PTH2R: variants seen among roughly 807,000 people sequenced by gnomAD.
The protein encoded by PTH2R is PTH2 receptor.
Under a neutral mutation model 60.3 loss-of-function variants are expected in PTH2R, and 59 were observed. The observed-to-expected ratio is 0.98, with a 90% CI of 0.79 to 1.22. PTH2R has a LOEUF of 1.22. Ranked by LOEUF, PTH2R falls within the 50% of genes most tolerant of loss-of-function variation. The probability of loss-of-function intolerance (pLI) is 0.00; values close to 1 mark genes in which losing one functional copy is unlikely to be tolerated. For synonymous variants in PTH2R, 256 were observed against 243.8 expected (o/e 1.05, Z -0.47); for missense variants, 749 against 682.6 (o/e 1.10, Z -1.08).
chr2:208,466,675 G>A (rs895488010), intron 9 of PTH2R: 4 of 152,116 alleles, frequency 2.6e-5, no homozygotes, highest in Non-Finnish European at 5.9e-5. Flanking sequence ...TTTGAGAAAC[G>A]TCTATTCAGC....
intron 1 of PTH2R, among the ~76,000 whole-genome samples, chr2:208,400,510 G>C (rs1701288237): frequency 6.6e-6 from 1 of 152,076 alleles, no homozygotes; most frequent in South Asian, 2.1e-4. Context: ...AGTTTAACCT[G>C]GTATCCTAGT....
At chr2:208,463,655 C>T (rs567823535) in intron 9 of PTH2R, among the ~76,000 whole-genome samples, 4 of 152,332 alleles carry the variant, frequency 2.6e-5, no homozygotes, top group African/African-American at 7.2e-5. Flanking sequence ...TTACTTTTCA[C>T]GTGTTAATAA....
At chr2:208,438,264 AG>A (rs1234296089) in intron 4 of PTH2R, among the ~76,000 whole-genome samples, 1 of 152,246 alleles carries the variant, frequency 6.6e-6, no homozygotes, top group African/African-American at 2.4e-5. Context: ...ATATTCCAGA[AG>A]GACCTTTGCA....
intron 9 of PTH2R, chr2:208,469,813 A>G (rs184255059): frequency 3.9e-5 from 6 of 152,318 alleles, no homozygotes; most frequent in African/African-American, 1.4e-4. Flanking sequence ...TAAGAGAAAT[A>G]TTTCCTAATT....
chr2:208,420,310 G>A (rs1233657319), intron 1 of PTH2R, among the ~76,000 whole-genome samples: 2 of 151,522 alleles, frequency 1.3e-5, no homozygotes, highest in African/African-American at 2.4e-5. Flanking sequence ...GAAAAAAAAA[G>A]TGAAGTCAAA....
chr2:208,470,919 G>A (rs1321941506), intron 9 of PTH2R, among the ~76,000 whole-genome samples: 1 of 152,186 alleles, frequency 6.6e-6, no homozygotes, highest in Admixed American at 6.5e-5. Flanking sequence ...GGCTAAGGTG[G>A]TCTCGGATAG....
Position 208,493,138 on chromosome 2 carries a change from C to G in PTH2R, c.1258-126C>G, listed in dbSNP as rs1038725960. The G allele has an allele frequency of 4.7e-6, 5 of 1,064,336 alleles. No homozygotes were observed. In the Admixed American group the frequency reaches 1.5e-4, roughly 32 times the overall value. The allele number at this position is 1,064,336 out of a possible 1,614,324, so 65.9% of individuals were successfully genotyped here. ...TGAGAGAAAGTCATAGATAAAGTCC[C>G]TGGCACGTAGAGGAACCTCAATCAA... On this transcript the variant is annotated intron_variant, in intron 12 of 12. Coordinates refer to ENST00000272847, the MANE Select transcript of PTH2R (RefSeq NM_005048.4).
chr2:208,460,783 C>T (rs1702618477), intron 9 of PTH2R, among the ~76,000 whole-genome samples: 2 of 152,110 alleles, frequency 1.3e-5, no homozygotes, highest in African/African-American at 4.8e-5. Context: ...ATACATATTA[C>T]AAGCATTTTA....
chr2:208,409,990 A>C (rs1701506843), intron 1 of PTH2R, among the ~76,000 whole-genome samples: 1 of 152,118 alleles, frequency 6.6e-6, no homozygotes, highest in Non-Finnish European at 1.5e-5. Flanking sequence ...GTAACCTCAG[A>C]CCGGCAAGCA....
At chr2:208,437,466 G>T in intron 2 of PTH2R, 71 bp from the exon 3 acceptor site, 1 of 1,317,132 alleles carries the variant, frequency 7.6e-7, no homozygotes, top group Non-Finnish European at 1.0e-6. Flanking sequence ...TTTGTTTTTT[G>T]AATGCATTTG....
intron 2 of PTH2R, among the ~76,000 whole-genome samples, chr2:208,432,221 T>C (rs943340353): frequency 2.6e-5 from 4 of 152,230 alleles, no homozygotes; most frequent in African/African-American, 9.6e-5. Context: ...ATCGTCAGTG[T>C]CCCTTTAACA....
chr2:208,395,622 G>T (rs151262972), intron 1 of PTH2R, among the ~76,000 whole-genome samples: 4 of 152,266 alleles, frequency 2.6e-5, no homozygotes, highest in South Asian at 2.1e-4. Context: ...AAGAGTATGA[G>T]ACCGAGGATA....
chr2:208,483,546 A>C (rs914762189), intron 10 of PTH2R, among the ~76,000 whole-genome samples: 4 of 152,182 alleles, frequency 2.6e-5, no homozygotes, highest in African/African-American at 9.7e-5. Context: ...AATGGATAGA[A>C]TAGACAATAT....
At chr2:208,362,976 T>G (rs1233522778) in intron 1 of PTH2R, among the ~76,000 whole-genome samples, 1 of 152,202 alleles carries the variant, frequency 6.6e-6, no homozygotes, top group East Asian at 1.9e-4. Flanking sequence ...GTCATTTATA[T>G]ATCATCTTTG....
chr2:208,365,176 T>A (rs1363667905), intron 1 of PTH2R, among the ~76,000 whole-genome samples: 1 of 152,158 alleles, frequency 6.6e-6, no homozygotes, highest in Admixed American at 6.5e-5. Flanking sequence ...CTTGTCTAAT[T>A]GCTTTGGACT....
At position 208,481,101 on chromosome 2, in the gene PTH2R, G is replaced by A; in HGVS notation, c.1013G>A (p.Arg338Lys). Reference sequence around the variant, plus strand: ...TTTATTCTGTTTCTGAATACGGTTAGAGTTCTAGCTACCAAAATCTGGGAG... The same window carrying A: ...TTTATTCTGTTTCTGAATACGGTTAAAGTTCTAGCTACCAAAATCTGGGAG... ...LNFILFLNTV[R>K]VLATKIWETN... Residue 338 changes from arginine to lysine, a missense_variant, in exon 10 of 13, where the codon AGA becomes AAA. By Grantham distance (26) the Arg-to-Lys change is conservative (BLOSUM62 2). Transcript: ENST00000272847. 6.2e-7 allele frequency: 1 copy of A among 1,611,122 alleles called. No individual in the cohort carries two copies. The highest frequency in any genetic ancestry group is 2.2e-5 in the East Asian group (1 of 44,796).
In PTH2R at chr2:208,370,209, C is replaced by T. The variant is rs372965514; in HGVS notation, c.-259+9972C>T. Among the ~76,000 whole-genome samples, 29 of 151,904 alleles carry T rather than the reference C, an allele frequency of 1.9e-4. No homozygotes were observed. The South Asian group carries it at 5.2e-3, about 27-fold the overall frequency. The stretch of plus-strand genomic sequence containing the variant: ...CTGTAATCACAGCACTTCGGGAGGC[C>T]GAAGCGGGCGGATCATGAGGTCAGG... On this transcript the variant is annotated intron_variant, in intron 1 of 12. Coordinates refer to the PTH2R transcript ENST00000617735.
intron 1 of PTH2R, among the ~76,000 whole-genome samples, chr2:208,379,536 T>C (rs1282361577): frequency 6.6e-6 from 1 of 152,174 alleles, no homozygotes; most frequent in Non-Finnish European, 1.5e-5. Flanking sequence ...TTAAGACTTT[T>C]GGGTTTTAAT....
At chr2:208,360,218 G>A in exon 1 of PTH2R, 1 of 454,670 alleles carries the variant, frequency 2.2e-6, no homozygotes, top group South Asian at 1.6e-5. Flanking sequence ...TCAAGAAAAA[G>A]GCACAGGTTC....
Sources: gnomAD v4.1 joint callset for allele counts (sites outside exome capture counted in the v4.1 genomes callset) on GRCh38, gnomAD v4.1.1 for gene constraint, MANE v1.5 for transcripts, NCBI Gene and HGNC (gene_info 2026-07-23, HGNC 2026-07-21) for gene names.